TENT4A: variants seen among roughly 807,000 people sequenced by gnomAD.
TENT4A encodes the protein terminal nucleotidyltransferase 4A, also known as DNA polymerase kappa.
Under a neutral mutation model 72.8 loss-of-function variants are expected in TENT4A, and 7 were observed. That is an observed-to-expected ratio of 0.10 (90% CI 0.05 to 0.18). TENT4A has a LOEUF of 0.18. TENT4A is among the 10% of genes least tolerant of loss of function. The pLI, the probability that TENT4A is intolerant of heterozygous loss-of-function variation, is 1.00. For synonymous variants in TENT4A, 456 were observed against 434.3 expected (o/e 1.05, Z -0.62); for missense variants, 831 against 1,017.7 (o/e 0.82, Z 2.50).
chr5:6,742,540 C>T lies in TENT4A; in HGVS notation c.1059C>T (p.Ile353=). 6.2e-7 allele frequency: 1 copy of T among 1,613,566 alleles called. No homozygotes were observed. The highest frequency in any genetic ancestry group is 8.5e-7 in the Non-Finnish European group (1 of 1,179,476). The change falls in exon 5 of 13, where the codon ATC becomes ATT. Residue 353 remains isoleucine, a synonymous_variant. Transcript: ENST00000230859. ...AGGAGACTGAAGTGAAAGTTGACAT[C>T]AGCTTTAACATGGAGACGGGCGTCC... ...TDQETEVKVD[I]SFNMETGVRA...
chr5:6,723,837 G>A (rs274712), intron 1 of TENT4A, among the ~76,000 whole-genome samples: 55,016 of 152,038 alleles, frequency 0.36, 10,021 homozygotes, highest in South Asian at 0.44. Context: ...GCTCAGGTTC[G>A]TGCTTTCTTG....
chr5:6,714,357 GC>G lies in TENT4A; in HGVS notation c.378del (p.Gly127AlafsTer118). 8.8e-7 allele frequency: 1 copy of G among 1,139,290 alleles called. No homozygotes were observed. Among genetic ancestry groups the G allele is most frequent in the Non-Finnish European group, 1.1e-6 (1 of 929,146 alleles). The allele number at this position is 1,139,290 out of a possible 1,614,324, so 70.6% of individuals were successfully genotyped here. ...TCCAACGCGGAGTCGGGCACCGAGA[GC>G]CCCGGCTGCTCGTCGTCGTCCTCCA... ...SSSNAESGTESPGCSSSSSSS... is the reference protein window; with the variant it reads ...SSSNAESGTEXPGCSSSSSSS... On this transcript the variant is annotated frameshift_variant, in exon 1 of 13. Transcript: ENST00000230859. LOFTEE classifies it high-confidence loss of function.
chr5:6,725,498 G>T, intron 1 of TENT4A, among the ~76,000 whole-genome samples: 1 of 152,166 alleles, frequency 6.6e-6, no homozygotes, highest in South Asian at 2.1e-4. Flanking sequence ...GGTGACTTCT[G>T]TCAACCAAAC....
chr5:6,734,512 C>A (rs274692), intron 1 of TENT4A, among the ~76,000 whole-genome samples: 6 of 152,092 alleles, frequency 3.9e-5, no homozygotes, highest in African/African-American at 9.7e-5. Context: ...TGGGGCACTT[C>A]GCCAGAGCCT....
Position 6,726,357 on chromosome 5 carries a change from G to T in TENT4A, c.717-11153G>T, listed in dbSNP as rs274708. 6.0e-4 allele frequency among the ~76,000 whole-genome samples: 91 copies of T among 152,252 alleles called. No individual in the cohort carries two copies. In the East Asian group the frequency reaches 0.017, roughly 28 times the overall value. On this transcript the variant is annotated intron_variant, in intron 1 of 12. Transcript: ENST00000230859. ...ACAGACCTCATGCTCATCATCAGGAGGCTTCCCGGGACTGCTGCCTGAGAT... is the reference window on the plus strand; with the variant it reads ...ACAGACCTCATGCTCATCATCAGGATGCTTCCCGGGACTGCTGCCTGAGAT...
At chr5:6,736,813 T>TA (rs757022396) in intron 1 of TENT4A, among the ~76,000 whole-genome samples, 5 of 152,234 alleles carry the variant, frequency 3.3e-5, no homozygotes, top group Admixed American at 2.6e-4. Flanking sequence ...AGGCCCTACT[T>TA]ACTCCTGTCC....
chr5:6,714,126 TGGACACGGCGGCCGCGGCGGG>T lies in TENT4A; in HGVS notation c.146_166del (p.Asp49_Gly55del), dbSNP rs1036582669. 1 of 972,886 alleles carries T rather than the reference TGGACACGGCGGCCGCGGCGGG, an allele frequency of 1.0e-6. No homozygotes were observed. Among genetic ancestry groups the T allele is most frequent in the African/African-American group, 1.8e-5 (1 of 54,836 alleles). 60.3% of individuals were successfully genotyped at this position (972,886 alleles called of 1,614,324 possible). ...TATTTCTGCCTCAACTCGCCGGCGC[TGGACACGGCGGCCGCGGCGGG>T]GGCGGCCGGGCGGGGCAGTGGCGGC... On this transcript the variant is annotated inframe_deletion, in exon 1 of 13. Transcript: ENST00000230859.
chr5:6,749,663 A>C lies in TENT4A; in HGVS notation c.1687+6A>C. On this transcript the variant is annotated splice_donor_region_variant and intron_variant, in intron 9 of 12. Coordinates refer to ENST00000230859, the MANE Select transcript of TENT4A (RefSeq NM_006999.6). ...CCACCCGTCGCCAGGCATGGGTGAG[A>C]GATTAATTCATTTGTGTTCATCCTA... 1 of 1,579,818 alleles carries C rather than the reference A, an allele frequency of 6.3e-7. No individual in the cohort carries two copies. Among genetic ancestry groups the C allele is most frequent in the Non-Finnish European group, 8.7e-7 (1 of 1,148,728 alleles).
intron 1 of TENT4A, among the ~76,000 whole-genome samples, chr5:6,722,705 G>GT (rs1740721163): frequency 7.7e-6 from 1 of 130,442 alleles, no homozygotes; most frequent in Admixed American, 8.0e-5. Flanking sequence ...AGTTGGTTAA[G>GT]GTTTTTTTAT....
intron 1 of TENT4A, among the ~76,000 whole-genome samples, chr5:6,734,200 C>T (rs1049349488): frequency 7.2e-5 from 11 of 152,210 alleles, no homozygotes; most frequent in African/African-American, 2.2e-4. Context: ...CCAGGGAGGC[C>T]GCTGGGTGGG....
intron 6 of TENT4A, 195 bp from the exon 7 acceptor site, chr5:6,746,019 G>A (rs1742077412): frequency 7.0e-7 from 1 of 1,429,352 alleles, no homozygotes; most frequent in Non-Finnish European, 9.1e-7. Flanking sequence ...ATTCAGATGA[G>A]TCCGTTGTGT....
chr5:6,728,054 G>A (rs1741024426), intron 1 of TENT4A, among the ~76,000 whole-genome samples: 1 of 152,150 alleles, frequency 6.6e-6, no homozygotes, highest in African/African-American at 2.4e-5. Context: ...TCGAATAGTT[G>A]TTTTCTGTCA....
rs766747987 is a variant in TENT4A, at chr5:6,742,557, C to T, written c.1076C>T (p.Thr359Met). The T allele has an allele frequency of 4.3e-6, 7 of 1,612,922 alleles. No homozygotes were observed. Among genetic ancestry groups the T allele is most frequent in the East Asian group, 2.2e-5 (1 of 44,888 alleles). The stretch of plus-strand genomic sequence containing the variant: ...GTTGACATCAGCTTTAACATGGAGA[C>T]GGGCGTCCGGGCAGCGGAGTTCATC... ...VKVDISFNME[T>M]GVRAAEFIKN... The change falls in exon 5 of 13, where the codon ACG becomes ATG. Residue 359 changes from threonine to methionine, a missense_variant. Thr to Met is a moderately conservative substitution (Grantham distance 81). Coordinates refer to ENST00000230859, the MANE Select transcript of TENT4A (RefSeq NM_006999.6).
At chr5:6,720,321 C>T (rs1740581148) in intron 1 of TENT4A, among the ~76,000 whole-genome samples, 1 of 152,102 alleles carries the variant, frequency 6.6e-6, no homozygotes, top group Non-Finnish European at 1.5e-5. Context: ...GGAGGTTCTT[C>T]TGTGGGTAGA....
intron 8 of TENT4A, among the ~76,000 whole-genome samples, chr5:6,749,133 C>T (rs770502952): frequency 1.3e-5 from 2 of 152,084 alleles, no homozygotes; most frequent in Admixed American, 1.3e-4. Flanking sequence ...GCTCAGCAGC[C>T]GCTGCAGGTG....
At chr5:6,729,196 G>A (rs921373368) in intron 1 of TENT4A, among the ~76,000 whole-genome samples, 1 of 152,232 alleles carries the variant, frequency 6.6e-6, no homozygotes, top group Non-Finnish European at 1.5e-5. Flanking sequence ...AGTCCTGGTT[G>A]TGTATGGTCT....
chr5:6,714,556 G>C lies in TENT4A; in HGVS notation c.573G>C (p.Glu191Asp). 8.3e-7 allele frequency: 1 copy of C among 1,198,304 alleles called. No homozygotes were observed. The highest frequency in any genetic ancestry group is 1.0e-6 in the Non-Finnish European group (1 of 966,316). The allele number at this position is 1,198,304 out of a possible 1,614,324, so 74.2% of individuals were successfully genotyped here. The change falls in exon 1 of 13, where the codon GAG becomes GAC. Residue 191 changes from glutamate to aspartate, a missense_variant. Physicochemically the swap from Glu to Asp is conservative, Grantham distance 45. Coordinates refer to ENST00000230859, the MANE Select transcript of TENT4A (RefSeq NM_006999.6). ...HQFHPGRRKR[E>D]NKASTYGLNY... The stretch of plus-strand genomic sequence containing the variant: ...TCCACCCGGGTCGCCGGAAACGCGA[G>C]AACAAGGCCAGCACCTACGGCCTCA...
rs1734179546 is a variant in TENT4A at position 6,740,657 on chromosome 5, C to T, written c.1008+805C>T. On this transcript the variant is annotated intron_variant, in intron 4 of 12. Transcript: ENST00000230859. ...CAAGTTTTAAAACATGATATATGCA[C>T]TGAAAAGTGCACATGTACCAGGTGC... is the stretch of plus-strand genomic sequence containing the variant. 3.3e-5 allele frequency among the ~76,000 whole-genome samples: 5 copies of T among 152,316 alleles called. No individual in the cohort carries two copies. In the South Asian group the frequency reaches 1.0e-3, roughly 32 times the overall value.
chr5:6,750,065 G>T (rs569151576), intron 9 of TENT4A, among the ~76,000 whole-genome samples: 1 of 152,240 alleles, frequency 6.6e-6, no homozygotes, highest in Admixed American at 6.5e-5. Context: ...CTAAATTTTC[G>T]TAAAAAATAC....
Sources: gnomAD v4.1 joint callset for allele counts (sites outside exome capture counted in the v4.1 genomes callset) on GRCh38, gnomAD v4.1.1 for gene constraint, MANE v1.5 for transcripts, NCBI Gene and HGNC (gene_info 2026-07-23, HGNC 2026-07-21) for gene names.